Variants in PITRM1 observed in about 807,000 individuals in gnomAD.
PITRM1 encodes presequence protease, mitochondrial.
In PITRM1, 100 loss-of-function variants were observed where a neutral mutation model predicts 129.9. The ratio of observed to expected loss-of-function variants is 0.77; its 90% CI spans 0.65 to 0.91. The LOEUF (loss-of-function observed/expected upper bound fraction) is 0.91. PITRM1 is among the 40% of genes least tolerant of loss of function. The pLI, the probability that PITRM1 is intolerant of heterozygous loss-of-function variation, is 0.00. For missense variants in PITRM1, 1,471 were observed against 1,318.3 expected, an observed-to-expected ratio of 1.12 and a Z score of -1.79; for synonymous variants, 591 against 508.8, an observed-to-expected ratio of 1.16 and a Z score of -2.17.
chr10:3,150,751 G>A (rs921188012), intron 15 of PITRM1, among the ~76,000 whole-genome samples: 1 of 152,178 alleles, frequency 6.6e-6, no homozygotes, highest in Admixed American at 6.5e-5. Flanking sequence ...GGAATGAAAC[G>A]TGTCACGGAA....
chr10:3,141,687 G>T (rs751259910), intron 23 of PITRM1: 2 of 470,388 alleles, frequency 4.3e-6, no homozygotes, highest in African/African-American at 2.0e-5. Context: ...CCTTGAAGAC[G>T]CCCGTGGTGA....
chr10:3,163,617 TTTC>T, intron 7 of PITRM1, 105 bp downstream of exon 7: 1 of 955,390 alleles, frequency 1.0e-6, no homozygotes, highest in South Asian at 1.7e-5. Context: ...GACTTAGATA[TTTC>T]TTAAGCATTG....
At chr10:3,147,809 ATTAAGTTTTCAGAGTACT>A in intron 18 of PITRM1, 72 bp from the exon 19 acceptor site, 2 of 1,421,852 alleles carry the variant, frequency 1.4e-6, no homozygotes, top group Non-Finnish European at 1.9e-6. Flanking sequence ...TGGAAAGTTG[ATTAAGTTTTCAGAGTACT>A]TTAACAACCA....
intron 9 of PITRM1, 58 bp from the exon 10 acceptor site, chr10:3,159,100 G>A: frequency 7.0e-7 from 1 of 1,426,762 alleles, no homozygotes; most frequent in Non-Finnish European, 9.6e-7. Context: ...AAAATTACTG[G>A]CCCTTATGCA....
At chr10:3,138,149 G>C (rs774973715) in intron 26 of PITRM1, 25 bp from the exon 27 acceptor site, 2 of 1,585,532 alleles carry the variant, frequency 1.3e-6, no homozygotes, top group Non-Finnish European at 1.7e-6. Context: ...GGCGTGGTCA[G>C]CAAGGACTGG....
intron 23 of PITRM1, 50 bp from the exon 24 acceptor site, chr10:3,140,862 T>C (rs371895475): frequency 3.1e-5 from 45 of 1,435,226 alleles, no homozygotes; most frequent in Non-Finnish European, 4.2e-5. Flanking sequence ...TAAAAAAGCA[T>C]AGACAATGAA....
At chr10:3,158,223 A>AT in intron 10 of PITRM1, 70 bp from the exon 11 acceptor site, 1 of 868,286 alleles carries the variant, frequency 1.2e-6, no homozygotes. Flanking sequence ...AATATGCTTG[A>AT]TTTAAAGATC....
intron 2 of PITRM1, among the ~76,000 whole-genome samples, chr10:3,168,630 TGA>T (rs1843080520): frequency 6.6e-6 from 1 of 152,126 alleles, no homozygotes; most frequent in Non-Finnish European, 1.5e-5. Context: ...CACGTTCTCA[TGA>T]GAGCTGACGG....
At chr10:3,138,798 G>A (rs1381639950) in intron 25 of PITRM1, 106 bp downstream of exon 25, 3 of 1,012,778 alleles carry the variant, frequency 3.0e-6, no homozygotes, top group Non-Finnish European at 4.8e-6. Context: ...CAAGGATGGA[G>A]GCACCAGAAG....
At position 3,138,329 on chromosome 10, in the gene PITRM1, G is replaced by A. The variant is rs1356773348; in HGVS notation, c.2926C>T (p.His976Tyr). ...TCATCCGAGAGGCCGTACAAGAAGT[G>A]GTCCATTCCTAGAAGACAATCCACA... ...PVAPSDKGMD[H>Y]FLYGLSDEMK... The change falls in exon 26 of 27, where the codon CAC (histidine) becomes TAC (tyrosine). Residue 976 changes from histidine (H) to tyrosine (Y), a missense_variant. By Grantham distance (83) the His-to-Tyr change is moderately conservative. Coordinates refer to ENST00000224949, the MANE Select transcript of PITRM1 (RefSeq NM_014889.4). 1 of 1,612,110 alleles carries A rather than the reference G, an allele frequency of 6.2e-7. No individual in the cohort carries two copies.
chr10:3,167,144 T>A, intron 2 of PITRM1, 102 bp from the exon 3 acceptor site: 1 of 663,242 alleles, frequency 1.5e-6, no homozygotes, highest in Non-Finnish European at 2.6e-6. Flanking sequence ...TGCCTGAAAT[T>A]AGATGATGCC....
rs779570895 is a variant in PITRM1, at chr10:3,160,236, C to A, written c.886G>T (p.Val296Leu). ...SKFQKIEPST[V>L]VPAQTPWDKP... Reference sequence around the variant, plus strand: ...TCCCAGGGTGTCTGAGCTGGCACCACGGTGCTTGGTTCAATTTTCTGGAAT... The same window carrying A: ...TCCCAGGGTGTCTGAGCTGGCACCAAGGTGCTTGGTTCAATTTTCTGGAAT... The change falls in exon 8 of 27, where the codon GTG becomes TTG. Residue 296 changes from valine to leucine, a missense_variant. Val to Leu is a conservative substitution (Grantham distance 32). Transcript: ENST00000224949. The A allele has an allele frequency of 6.2e-7, 1 of 1,613,788 alleles. No individual in the cohort carries two copies. The highest frequency in any genetic ancestry group is 8.5e-7 in the Non-Finnish European group (1 of 1,179,840).
intron 1 of PITRM1, chr10:3,172,356 C>G: frequency 4.1e-6 from 2 of 487,646 alleles, no homozygotes; most frequent in Non-Finnish European, 3.9e-6. Context: ...CTCTTAAGGA[C>G]TCGGCCTCCC....
At chr10:3,148,118 G>C (rs770761166) in intron 17 of PITRM1, 53 bp downstream of exon 17, 2 of 1,613,674 alleles carry the variant, frequency 1.2e-6, no homozygotes, top group East Asian at 4.5e-5. Flanking sequence ...AACAGTGACA[G>C]ACACTGGAGA....
intron 17 of PITRM1, 29 bp from the exon 18 acceptor site, chr10:3,148,092 A>C (rs753547272): frequency 6.2e-7 from 1 of 1,613,782 alleles, no homozygotes; most frequent in Non-Finnish European, 8.5e-7. Context: ...AGAAGAAAGG[A>C]ATTAGGGCCG....
intron 13 of PITRM1, 138 bp downstream of exon 13, chr10:3,156,792 C>T: frequency 3.5e-6 from 2 of 564,242 alleles, no homozygotes; most frequent in Non-Finnish European, 5.8e-6. Context: ...TTAATGTAAG[C>T]ATTTAAATTT....
At chr10:3,172,605 G>A in intron 1 of PITRM1, 112 bp downstream of exon 1, 1 of 995,218 alleles carries the variant, frequency 1.0e-6, no homozygotes, top group Admixed American at 3.1e-5. Context: ...CCACAGCTTG[G>A]GGAGCTGCCA....
chr10:3,161,646 G>A (rs986930916), intron 7 of PITRM1, among the ~76,000 whole-genome samples: 1 of 151,678 alleles, frequency 6.6e-6, no homozygotes, highest in Non-Finnish European at 1.5e-5. Context: ...CTCTGGAGCA[G>A]GGAGGGCCCG....
At chr10:3,139,923 G>A (rs971687293) in intron 24 of PITRM1, among the ~76,000 whole-genome samples, 6 of 152,210 alleles carry the variant, frequency 3.9e-5, no homozygotes, top group African/African-American at 1.4e-4. Context: ...TTATGTTTAT[G>A]AAAGCTAACA....
Sources: allele counts gnomAD v4.1 joint callset (sites outside exome capture counted in the v4.1 genomes callset), GRCh38; gene constraint gnomAD v4.1.1; transcripts MANE v1.5; gene names NCBI Gene and HGNC (gene_info 2026-07-23, HGNC 2026-07-21).